CAPN9: variants seen among roughly 807,000 people sequenced by gnomAD.
CAPN9 encodes calpain 9.
Under a neutral mutation model 92.8 loss-of-function variants are expected in CAPN9, and 81 were observed. The ratio of observed to expected loss-of-function variants is 0.87; its 90% CI spans 0.73 to 1.05. CAPN9 has a LOEUF of 1.05. Among genes scored for constraint, CAPN9 ranks in the 50% least tolerant of loss-of-function variants. The probability of loss-of-function intolerance (pLI) is 0.00; values close to 1 mark genes in which losing one functional copy is unlikely to be tolerated. For missense variants in CAPN9, 848 were observed against 866.2 expected, an observed-to-expected ratio of 0.98 and a Z score of 0.26; for synonymous variants, 304 against 328.0, an observed-to-expected ratio of 0.93 and a Z score of 0.79.
chr1:230,751,657 A>G (rs896015927), intron 1 of CAPN9, among the ~76,000 whole-genome samples: 1 of 66,372 alleles, frequency 1.5e-5, no homozygotes, highest in Non-Finnish European at 3.0e-5. Flanking sequence ...GAAAGAAAGA[A>G]AGAAAGAAAG....
intron 3 of CAPN9, among the ~76,000 whole-genome samples, chr1:230,761,136 TG>T (rs1301106729): frequency 2.6e-5 from 4 of 152,094 alleles, no homozygotes; most frequent in Non-Finnish European, 4.4e-5. Flanking sequence ...AGGGATCATG[TG>T]GGGGTGGGGA....
chr1:230,747,422 C>A lies in CAPN9; in HGVS notation c.-75C>A, dbSNP rs574888069. 1.3e-5 allele frequency: 17 copies of A among 1,314,414 alleles called. No individual in the cohort carries two copies. The highest frequency in any genetic ancestry group is 1.8e-5 in the Non-Finnish European group (16 of 910,408). 81.4% of individuals were successfully genotyped at this position (1,314,414 alleles called of 1,614,324 possible). ...GCCCTCTGAGCTGTTCCTTCTTGAC[C>A]GGCACACACAGCTCGCTTCTTCACT... On this transcript the variant is annotated 5_prime_UTR_variant, in exon 1 of 20. Coordinates refer to ENST00000271971, the MANE Select transcript of CAPN9 (RefSeq NM_006615.3).
chr1:230,749,230 C>T (rs1664613871), intron 1 of CAPN9, among the ~76,000 whole-genome samples: 1 of 152,248 alleles, frequency 6.6e-6, no homozygotes. Flanking sequence ...TTTTGGTTCT[C>T]TGCATATGGC....
At position 230,751,113 on chromosome 1, in the gene CAPN9, GC is replaced by G. The variant is rs551400491; in HGVS notation, c.213+3407del. ...AAATCCAGGACACCTCCCCGAAAGT[GC>G]CCACACCCCTCTAGCCCATGTGAAC... On this transcript the variant is annotated intron_variant, in intron 1 of 19. Coordinates refer to ENST00000271971, the MANE Select transcript of CAPN9 (RefSeq NM_006615.3). 2.7e-4 allele frequency among the ~76,000 whole-genome samples: 41 copies of G among 152,232 alleles called. 2 individuals are homozygous for G. The South Asian group carries it at 8.5e-3, about 32-fold the overall frequency.
In CAPN9 at chr1:230,767,635, G is replaced by A; in HGVS notation, c.631G>A (p.Glu211Lys). ...GGVAETFQTK[E>K]APENFYEILE... ...TGTGGCAGAGACCTTCCAAACTAAAGAGGCCCCCGAGAACTTCTATGAGAT... is the reference window on the plus strand; with the variant it reads ...TGTGGCAGAGACCTTCCAAACTAAAAAGGCCCCCGAGAACTTCTATGAGAT... Residue 211 changes from glutamate (E) to lysine (K), a missense_variant, in exon 5 of 20, where the codon GAG (glutamate) becomes AAG (lysine). Coordinates refer to ENST00000271971, the MANE Select transcript of CAPN9 (RefSeq NM_006615.3). The A allele has an allele frequency of 6.2e-7, 1 of 1,614,002 alleles. No homozygotes were observed. The highest frequency in any genetic ancestry group is 1.6e-4 in the Middle Eastern group (1 of 6,062).
At chr1:230,749,901 C>A (rs757265894) in intron 1 of CAPN9, among the ~76,000 whole-genome samples, 1 of 152,158 alleles carries the variant, frequency 6.6e-6, no homozygotes, top group Non-Finnish European at 1.5e-5. Flanking sequence ...ATATTGACAT[C>A]ATCTAGTTTA....
In CAPN9 at chr1:230,801,087, G is replaced by A. The variant is rs780675967; in HGVS notation, c.2047-483G>A. 9.5e-4 allele frequency among the ~76,000 whole-genome samples: 145 copies of A among 152,252 alleles called. 1 individual carries two copies. Among genetic ancestry groups the A allele is most frequent in the Middle Eastern group, 3.4e-3 (1 of 294 alleles). On this transcript the variant is annotated intron_variant, in intron 19 of 19. Coordinates refer to ENST00000271971, the MANE Select transcript of CAPN9 (RefSeq NM_006615.3). ...GGGAAGGAGGAGGCAGGGTGGACTC[G>A]GGAGAGAAAATGAGGAGGAATTCCA...
chr1:230,767,861 C>T, intron 5 of CAPN9, 152 bp downstream of exon 5: 1 of 623,174 alleles, frequency 1.6e-6, no homozygotes, highest in South Asian at 2.1e-5. Context: ...AATTAAAACA[C>T]AAGTTTTGGG....
At chr1:230,754,202 T>C (rs533365777) in intron 1 of CAPN9, among the ~76,000 whole-genome samples, 1 of 152,186 alleles carries the variant, frequency 6.6e-6, no homozygotes, top group Non-Finnish European at 1.5e-5. Flanking sequence ...GGCAGGGGCT[T>C]TCCCTCTCTC....
intron 17 of CAPN9, among the ~76,000 whole-genome samples, chr1:230,794,358 G>A (rs1668199624): frequency 6.6e-6 from 1 of 152,092 alleles, no homozygotes; most frequent in South Asian, 2.1e-4. Flanking sequence ...GCAGGTGCCT[G>A]TAGTCCCAGC....
In CAPN9 at chr1:230,801,856, T is replaced by G; in HGVS notation, c.*260T>G. On this transcript the variant is annotated 3_prime_UTR_variant, in exon 20 of 20. Transcript: ENST00000271971. ...CCTTACATCCAGGTTCAGGCATCAC[T>G]AGCTTTCCCACACTCTACTTTCCTT... 1.9e-6 allele frequency: 1 copy of G among 534,414 alleles called. No homozygotes were observed. The highest frequency in any genetic ancestry group is 3.3e-6 in the Non-Finnish European group (1 of 299,822). The allele number at this position is 534,414 out of a possible 1,614,324, so 33.1% of individuals were successfully genotyped here.
At position 230,776,160 on chromosome 1, in the gene CAPN9, T is replaced by C. The variant is rs532393783; in HGVS notation, c.953+1529T>C. On this transcript the variant is annotated intron_variant, in intron 8 of 19. Transcript: ENST00000271971. ...AAGAAGATGACACAGGCAGTACCTA[T>C]ATCTGTGGAGGGCCCTGTTTCTGAT... The C allele has an allele frequency of 2.0e-5, 3 of 152,270 alleles. No homozygotes were observed. The East Asian group carries it at 5.8e-4, about 29-fold the overall frequency. The allele number at this position is 152,270 out of a possible 1,614,324, so 9.4% of individuals were successfully genotyped here.
In CAPN9 at chr1:230,762,634, T is replaced by C. The variant is rs1452706819; in HGVS notation, c.403-19T>C. 1.2e-6 allele frequency: 2 copies of C among 1,612,756 alleles called. No homozygotes were observed. The highest frequency in any genetic ancestry group is 1.7e-6 in the Non-Finnish European group (2 of 1,179,418). ...ATGTAGCTGACTCGCATCATTTCTG[T>C]CTTTTTCCTGGGCAACAGTTCTGGC... On this transcript the variant is annotated intron_variant, in intron 3 of 19. Transcript: ENST00000271971.
intron 2 of CAPN9, among the ~76,000 whole-genome samples, chr1:230,757,931 C>T (rs994893258): frequency 2.6e-5 from 4 of 152,008 alleles, no homozygotes; most frequent in Non-Finnish European, 5.9e-5. Context: ...CGAGATGGTG[C>T]CACTTCACTC....
chr1:230,782,674 G>A (rs1160876850), intron 11 of CAPN9, among the ~76,000 whole-genome samples: 1 of 152,108 alleles, frequency 6.6e-6, no homozygotes, highest in Non-Finnish European at 1.5e-5. Context: ...AGTGGAATCA[G>A]GAATTTACAT....
At position 230,780,350 on chromosome 1, in the gene CAPN9, A is replaced by C. The variant is rs369588189; in HGVS notation, c.1272+14A>C. ...GCCATTTATGAGGTAGGTGGGAACC[A>C]CACTGCATTTCAGAGTTCTCCATCT... is the stretch of plus-strand genomic sequence containing the variant. On this transcript the variant is annotated intron_variant, in intron 10 of 19. Coordinates refer to ENST00000271971, the MANE Select transcript of CAPN9 (RefSeq NM_006615.3). The C allele has an allele frequency of 8.9e-5, 144 of 1,613,006 alleles. No individual in the cohort carries two copies. Among genetic ancestry groups the C allele is most frequent in the Middle Eastern group, 1.6e-4 (1 of 6,080 alleles).
intron 8 of CAPN9, among the ~76,000 whole-genome samples, chr1:230,778,571 G>A (rs565449655): frequency 9.5e-4 from 144 of 152,138 alleles, no homozygotes; most frequent in Non-Finnish European, 1.3e-3. Context: ...TCTGCCTCGG[G>A]GCCTTGCTGT....
At chr1:230,767,240 T>C (rs574054107) in intron 4 of CAPN9, among the ~76,000 whole-genome samples, 19 of 152,212 alleles carry the variant, frequency 1.2e-4, no homozygotes, top group Non-Finnish European at 2.6e-4. Flanking sequence ...ACTAGCGACT[T>C]GGTCATTCAG....
At chr1:230,760,006 G>C (rs1161286464) in intron 3 of CAPN9, among the ~76,000 whole-genome samples, 1 of 152,164 alleles carries the variant, frequency 6.6e-6, no homozygotes. Flanking sequence ...TTCTCTTTAT[G>C]GAAGAATTGT....
Sources: gnomAD v4.1 joint callset for allele counts (sites outside exome capture counted in the v4.1 genomes callset) on GRCh38, gnomAD v4.1.1 for gene constraint, MANE v1.5 for transcripts, NCBI Gene and HGNC (gene_info 2026-07-23, HGNC 2026-07-21) for gene names.